The following TRIB3 variants were observed in gnomAD, a reference collection of about 807,000 sequenced individuals.
TRIB3 encodes the protein tribbles homolog 3.
In TRIB3, 20 loss-of-function variants were observed where a neutral mutation model predicts 16.6. The observed-to-expected ratio is 1.20, with a 90% CI of 0.85 to 1.75. The LOEUF (loss-of-function observed/expected upper bound fraction) is 1.75. Ranked by LOEUF, TRIB3 falls within the 40% of genes most tolerant of loss-of-function variation. The probability of loss-of-function intolerance (pLI) is 0.00; values close to 1 mark genes in which losing one functional copy is unlikely to be tolerated. For synonymous variants in TRIB3, 208 were observed against 217.0 expected, an observed-to-expected ratio of 0.96 and a Z score of 0.36; for missense variants, 484 against 488.9, an observed-to-expected ratio of 0.99 and a Z score of 0.10.
chr20:394,804 A>G (rs1335549400), intron 3 of TRIB3, among the ~76,000 whole-genome samples: 1 of 151,884 alleles, frequency 6.6e-6, no homozygotes, highest in Non-Finnish European at 1.5e-5. Flanking sequence ...AAAAAGAAAA[A>G]AAAAAAGAAA....
In TRIB3 at chr20:396,479, G is replaced by A. The variant is rs572540425; in HGVS notation, c.866G>A (p.Arg289His). 2.3e-5 allele frequency: 37 copies of A among 1,612,750 alleles called. No homozygotes were observed. The African/African-American group carries it at 2.7e-4, about 12-fold the overall frequency. The change falls in exon 4 of 4, where the codon CGC (arginine) becomes CAC (histidine). Residue 289 changes from arginine to histidine, a missense_variant. By Grantham distance (29) the Arg-to-His change is conservative. Transcript: ENST00000217233. ...CCTGCAGGCCTCTCGGCCCCTGCCC[G>A]CTGTCTGGTTCGCTGCCTCCTTCGT... ...ALPAGLSAPA[R>H]CLVRCLLRRE... is the part of the protein sequence containing the mutation.
chr20:389,417 G>T (rs1162426205), intron 2 of TRIB3, among the ~76,000 whole-genome samples: 1 of 152,196 alleles, frequency 6.6e-6, no homozygotes, highest in African/African-American at 2.4e-5. Context: ...AGGGAGAGTA[G>T]CGGGGGCCTG....
At chr20:392,242 C>G (rs1443144082) in intron 3 of TRIB3, among the ~76,000 whole-genome samples, 3 of 152,096 alleles carry the variant, frequency 2.0e-5, no homozygotes, top group Non-Finnish European at 4.4e-5. Context: ...TGCCCAAGAT[C>G]CCATAGCAGA....
rs1300718757 is a variant in TRIB3, at chr20:381,155, G to C, written c.-15G>C. 6.6e-6 allele frequency: 1 copy of C among 150,490 alleles called. No homozygotes were observed. Among genetic ancestry groups the C allele is most frequent in the Non-Finnish European group, 1.5e-5 (1 of 67,514 alleles). 9.3% of individuals were successfully genotyped at this position (150,490 alleles called of 1,614,324 possible). ...CCCCGGCGGCGCCCGGGCCCACGCG[G>C]AACGACGGGGCGAGGTACTCGGCGG... On this transcript the variant is annotated 5_prime_UTR_variant, in exon 1 of 4. Transcript: ENST00000217233.
intron 3 of TRIB3, among the ~76,000 whole-genome samples, chr20:394,620 C>CA (rs1038838411): frequency 2.6e-4 from 39 of 151,724 alleles, no homozygotes; most frequent in African/African-American, 8.9e-4. Flanking sequence ...CCCATCTGTA[C>CA]AAAAAATTTA....
In TRIB3 at chr20:396,257, C is replaced by T. The variant is rs767036213; in HGVS notation, c.644C>T (p.Ser215Phe). The T allele has an allele frequency of 6.2e-6, 10 of 1,613,938 alleles. No individual in the cohort carries two copies. The highest frequency in any genetic ancestry group is 8.5e-6 in the Non-Finnish European group (10 of 1,179,980). ...DSCVLTGPDD[S>F]LWDKHACPAY... ...TGCGTGCTGACTGGGCCAGATGATT[C>T]CCTGTGGGACAAGCACGCGTGCCCA... is the stretch of plus-strand genomic sequence containing the variant. The change falls in exon 4 of 4, where the codon TCC (serine) becomes TTC (phenylalanine). Residue 215 changes from serine to phenylalanine, a missense_variant. Physicochemically the swap from Ser to Phe is radical, Grantham distance 155 (BLOSUM62 -2). Transcript: ENST00000217233.
chr20:391,443 A>AGCC lies in TRIB3; in HGVS notation c.452_454dup (p.Arg151dup). The stretch of plus-strand genomic sequence containing the variant: ...TGGGGACATGCACAGCCTGGTGCGA[A>AGCC]GCCGCCACCGTATCCCTGAGCCTGA... On this transcript the variant is annotated inframe_insertion, in exon 3 of 4. Coordinates refer to ENST00000217233, the MANE Select transcript of TRIB3 (RefSeq NM_021158.5). The AGCC allele has an allele frequency of 4.3e-6, 7 of 1,613,930 alleles. No homozygotes were observed. Among genetic ancestry groups the AGCC allele is most frequent in the Non-Finnish European group, 5.9e-6 (7 of 1,179,998 alleles).
intron 2 of TRIB3, among the ~76,000 whole-genome samples, 184 bp from the exon 3 acceptor site, chr20:391,103 G>A (rs1220673350): frequency 2.0e-5 from 3 of 151,260 alleles, no homozygotes; most frequent in South Asian, 2.1e-4. Flanking sequence ...TTCGTTAACC[G>A]TAAAATGGAG....
In TRIB3 at chr20:387,035, G is replaced by T. The variant is rs371477630; in HGVS notation, c.1-976G>T. 9.5e-4 allele frequency among the ~76,000 whole-genome samples: 145 copies of T among 152,200 alleles called. 3 individuals carry two copies. The South Asian group carries it at 0.027, about 28-fold the overall frequency. On this transcript the variant is annotated intron_variant, in intron 1 of 3. Transcript: ENST00000217233. ...CAAAGTGCTGGGATTACAGGCGTGA[G>T]CCACCACGCCTGGCCAGGAAATACA...
intron 1 of TRIB3, among the ~76,000 whole-genome samples, chr20:385,186 C>T (rs2014766597): frequency 6.6e-6 from 1 of 152,176 alleles, no homozygotes; most frequent in Non-Finnish European, 1.5e-5. Context: ...TATCTCAGCT[C>T]ACCGCAACCT....
intron 1 of TRIB3, chr20:385,525 A>G (rs1197114608): frequency 1.3e-5 from 2 of 151,688 alleles, no homozygotes; most frequent in Non-Finnish European, 2.9e-5. Context: ...ACCCCAGAAC[A>G]GGGGTTACTG....
Position 396,943 on chromosome 20 carries a change from C to G in TRIB3, c.*253C>G. On this transcript the variant is annotated 3_prime_UTR_variant, in exon 4 of 4. Transcript: ENST00000217233. ...AGCAGTGAGCAAAGGAGACAATATT[C>G]CCTGCTCACAGAGATGACAAACTGG... The G allele has an allele frequency of 2.1e-6, 1 of 478,118 alleles. No homozygotes were observed. Among genetic ancestry groups the G allele is most frequent in the South Asian group, 3.5e-5 (1 of 28,726 alleles). 29.6% of individuals were successfully genotyped at this position (478,118 alleles called of 1,614,324 possible).
At chr20:388,789 T>G (rs1294791150) in intron 2 of TRIB3, among the ~76,000 whole-genome samples, 1 of 152,098 alleles carries the variant, frequency 6.6e-6, no homozygotes, top group African/African-American at 2.4e-5. Flanking sequence ...TGTGCGGAGC[T>G]ACTGAAGATG....
intron 3 of TRIB3, among the ~76,000 whole-genome samples, chr20:394,123 C>T (rs1568537118): frequency 1.3e-5 from 2 of 151,676 alleles, no homozygotes; most frequent in South Asian, 2.1e-4. Context: ...CTCCACCTCC[C>T]GGGTTCAAGT....
chr20:396,825 G>A lies in TRIB3; in HGVS notation c.*135G>A, dbSNP rs1182377595. On this transcript the variant is annotated 3_prime_UTR_variant, in exon 4 of 4. Coordinates refer to ENST00000217233, the MANE Select transcript of TRIB3 (RefSeq NM_021158.5). ...AGAAAGGCAGAAGCCTGTGTGGAGT[G>A]TGCTGTGTACACATCTGCTTTGTTC... 5 of 1,353,434 alleles carry A rather than the reference G, an allele frequency of 3.7e-6. No individual in the cohort carries two copies. The highest frequency in any genetic ancestry group is 5.0e-6 in the Non-Finnish European group (5 of 1,005,458). The allele number at this position is 1,353,434 out of a possible 1,614,324, so 83.8% of individuals were successfully genotyped here. A position where few individuals can be genotyped will look rare whatever the true frequency, so the allele number is the denominator to read the frequency against.
chr20:388,180 A>T lies in TRIB3; in HGVS notation c.170A>T (p.Asp57Val). The change falls in exon 2 of 4, where the codon GAT (aspartate) becomes GTT (valine). Residue 57 changes from aspartate to valine, a missense_variant. Transcript: ENST00000217233. Reference protein sequence around the residue: ...LLPLSPPTAPDRATAVATASR... With the variant: ...LLPLSPPTAPVRATAVATASR... ...CCCCTGAGCCCACCTACTGCTCCAG[A>T]TCGTGCAACTGCTGTGGCCACTGCC... 6.2e-7 allele frequency: 1 copy of T among 1,613,964 alleles called. No homozygotes were observed. Among genetic ancestry groups the T allele is most frequent in the South Asian group, 1.1e-5 (1 of 91,080 alleles).
Position 396,199 on chromosome 20 carries a change from A to T in TRIB3, c.586A>T (p.Lys196Ter). 6.2e-7 allele frequency: 1 copy of T among 1,605,856 alleles called. No homozygotes were observed. The highest frequency in any genetic ancestry group is 8.5e-7 in the Non-Finnish European group (1 of 1,173,674). Residue 196 changes from lysine to a stop codon, truncating the protein, a stop_gained and splice_region_variant, in exon 4 of 4, where the codon AAG becomes TAG. Transcript: ENST00000217233. LOFTEE classifies it low-confidence loss of function (END_TRUNC). The part of the protein sequence containing the change: ...CRFVFADRER[K>*]KLVLENLEDS... ...CTTCTGTTTCTCCCCATGTCCCAGG[A>T]AGAAGCTGGTGCTGGAGAACCTGGA...
intron 3 of TRIB3, among the ~76,000 whole-genome samples, chr20:391,966 G>A (rs781728545): frequency 1.3e-4 from 19 of 151,484 alleles, no homozygotes; most frequent in Admixed American, 2.0e-4. Flanking sequence ...AAGTTGCAGT[G>A]AGCCAAGATC....
At chr20:381,389 C>T (rs2014639505) in intron 1 of TRIB3, 1 of 152,770 alleles carries the variant, frequency 6.5e-6, no homozygotes, top group African/African-American at 2.4e-5. Context: ...CCCCGGGCTT[C>T]AGGTGACGCG....
Sources: allele counts gnomAD v4.1 joint callset (sites outside exome capture counted in the v4.1 genomes callset), GRCh38; gene constraint gnomAD v4.1.1; transcripts MANE v1.5; gene names NCBI Gene and HGNC (gene_info 2026-07-23, HGNC 2026-07-21).